Variants in PGM3 observed in about 807,000 individuals in gnomAD.
The protein encoded by PGM3 is phosphoglucomutase 3.
A neutral mutation model predicts 66.2 loss-of-function variants in PGM3; 40 were observed. The ratio of observed to expected loss-of-function variants is 0.60; its 90% CI spans 0.47 to 0.79. The LOEUF is 0.79. Among genes scored for constraint, PGM3 ranks in the 30% least tolerant of loss-of-function variants. The probability of loss-of-function intolerance (pLI) is 0.00; values close to 1 mark genes in which losing one functional copy is unlikely to be tolerated. For missense variants in PGM3, 537 were observed against 643.4 expected (o/e 0.83, Z 1.79); for synonymous variants, 191 against 224.2 (o/e 0.85, Z 1.32).
the PGM3 span, chr6:83,154,280 A>G: frequency 7.7e-6 from 12 of 1,566,018 alleles, no homozygotes; most frequent in Non-Finnish European, 9.7e-6. Context: ...TCTTTCCTGT[A>G]CATGGTTCCT....
chr6:83,151,693 T>G, the PGM3 span: 1 of 1,565,668 alleles, frequency 6.4e-7, no homozygotes, highest in East Asian at 2.2e-5. Context: ...CCAAAACTGT[T>G]TCTCAGTGCC....
At chr6:83,157,613 C>T (rs927093), downstream of PGM3, among the ~76,000 whole-genome samples, 82 of 152,286 alleles carry the variant, frequency 5.4e-4, no homozygotes, top group Non-Finnish European at 1.1e-3. Flanking sequence ...CTGTCATGGC[C>T]TACAGTCCTG....
At position 83,168,235 on chromosome 6, in the gene PGM3, G is replaced by C; in HGVS notation, c.*999C>G. On this transcript the variant is annotated 3_prime_UTR_variant, in exon 13 of 13. Coordinates refer to ENST00000513973, the MANE Select transcript of PGM3 (RefSeq NM_015599.3). ...ATTTAAAACACACACACTGCTCTGC[G>C]TTGTATAGTTTTTCCTTTTTTGTAT... 1 of 1,500,120 alleles carries C rather than the reference G, an allele frequency of 6.7e-7. No individual in the cohort carries two copies. Among genetic ancestry groups the C allele is most frequent in the Non-Finnish European group, 8.8e-7 (1 of 1,132,838 alleles). The allele number at this position is 1,500,120 out of a possible 1,614,324, so 92.9% of individuals were successfully genotyped here. A position where few individuals can be genotyped will look rare whatever the true frequency, so the allele number is the denominator to read the frequency against.
rs56225336 is a variant in PGM3 at position 83,166,504 on chromosome 6, G to C, written c.*2730C>G. On this transcript the variant is annotated 3_prime_UTR_variant, in exon 13 of 13. Coordinates refer to ENST00000513973, the MANE Select transcript of PGM3 (RefSeq NM_015599.3). ...CAGAAAATCGCTAAATTTGATTTTT[G>C]TCTAACATCATTTCCATAGTCTAAA... 4,537 of 693,518 alleles carry C rather than the reference G, an allele frequency of 6.5e-3. 155 individuals are homozygous for C. The African/African-American group carries it at 0.069, about 11-fold the overall frequency. The allele number at this position is 693,518 out of a possible 1,614,324, so 43.0% of individuals were successfully genotyped here.
At chr6:83,191,063 G>T (rs756700318) in intron 1 of PGM3, 49 bp from the exon 2 acceptor site, 1 of 1,568,074 alleles carries the variant, frequency 6.4e-7, no homozygotes, top group East Asian at 2.2e-5. Context: ...AATTTCTTAA[G>T]AACCATTTGC....
At chr6:83,162,736 T>G, downstream of PGM3, 1 of 1,547,282 alleles carries the variant, frequency 6.5e-7, no homozygotes, top group Non-Finnish European at 8.7e-7. Flanking sequence ...TGGCCTAATC[T>G]TAGATGGCAC....
At chr6:83,159,703 T>A, downstream of PGM3, 1 of 1,378,560 alleles carries the variant, frequency 7.3e-7, no homozygotes, top group Non-Finnish European at 1.0e-6. Context: ...TCAGGATGAT[T>A]ATGAAAAATA....
Position 83,168,363 on chromosome 6 carries a change from T to C in PGM3, c.*871A>G, listed in dbSNP as rs986619631. On this transcript the variant is annotated 3_prime_UTR_variant, in exon 13 of 13. Coordinates refer to ENST00000513973, the MANE Select transcript of PGM3 (RefSeq NM_015599.3). ...AAGTTTAAATATTGTTGGCTCATAC[T>C]GATTATGGTGCCTAAGAGAGCTATA... 1.9e-5 allele frequency: 26 copies of C among 1,390,016 alleles called. No individual in the cohort carries two copies. Among genetic ancestry groups the C allele is most frequent in the Non-Finnish European group, 1.9e-6 (2 of 1,075,900 alleles). The allele number at this position is 1,390,016 out of a possible 1,614,324, so 86.1% of individuals were successfully genotyped here.
intron 7 of PGM3, among the ~76,000 whole-genome samples, chr6:83,178,966 C>T (rs1787972913): frequency 6.6e-6 from 1 of 152,168 alleles, no homozygotes; most frequent in African/African-American, 2.4e-5. Flanking sequence ...TATGAGAATT[C>T]CTCTTTTAAG....
chr6:83,168,673 A>G lies in PGM3; in HGVS notation c.*561T>C. On this transcript the variant is annotated 3_prime_UTR_variant, in exon 13 of 13. Coordinates refer to ENST00000513973, the MANE Select transcript of PGM3 (RefSeq NM_015599.3). ...GACCATGCATCCTTAAAAGTATTGC[A>G]TGAGCATCTCCACCTCAGTATGGAA... 1 of 995,128 alleles carries G rather than the reference A, an allele frequency of 1.0e-6. No individual in the cohort carries two copies. Among genetic ancestry groups the G allele is most frequent in the African/African-American group, 1.7e-5 (1 of 57,418 alleles). The allele number at this position is 995,128 out of a possible 1,614,324, so 61.6% of individuals were successfully genotyped here. A position where few individuals can be genotyped will look rare whatever the true frequency, so the allele number is the denominator to read the frequency against.
downstream of PGM3, chr6:83,162,778 T>A (rs964827210): frequency 6.2e-7 from 1 of 1,603,228 alleles, no homozygotes; most frequent in Non-Finnish European, 8.5e-7. Context: ...GATGTCATTA[T>A]TCTATACATA....
chr6:83,158,587 G>A (rs747752962), downstream of PGM3: 4 of 1,607,502 alleles, frequency 2.5e-6, 1 homozygote, highest in South Asian at 4.5e-5. Context: ...TTTTACTGAT[G>A]GAGCAGGAAC....
At chr6:83,174,610 G>A (rs1787612423) in intron 9 of PGM3, 123 bp from the exon 10 acceptor site, 2 of 540,862 alleles carry the variant, frequency 3.7e-6, no homozygotes, top group South Asian at 2.8e-5. Context: ...GGGAAAAATA[G>A]TGGCAGCCTT....
At position 83,166,919 on chromosome 6, in the gene PGM3, C is replaced by G; in HGVS notation, c.*2315G>C. The G allele has an allele frequency of 2.0e-6, 2 of 988,228 alleles. No homozygotes were observed. The highest frequency in any genetic ancestry group is 2.4e-6 in the Non-Finnish European group (2 of 831,910). The allele number at this position is 988,228 out of a possible 1,614,324, so 61.2% of individuals were successfully genotyped here. A position where few individuals can be genotyped will look rare whatever the true frequency, so the allele number is the denominator to read the frequency against. On this transcript the variant is annotated 3_prime_UTR_variant, in exon 13 of 13. Coordinates refer to ENST00000513973, the MANE Select transcript of PGM3 (RefSeq NM_015599.3). The stretch of plus-strand genomic sequence containing the variant: ...AGTCTTCATGATTTCTTCCTTCTGT[C>G]TAGTTCATTGCTTATTTTCATTCTT...
At chr6:83,170,050 T>C (rs1021451933) in intron 12 of PGM3, among the ~76,000 whole-genome samples, 2 of 152,224 alleles carry the variant, frequency 1.3e-5, no homozygotes, top group African/African-American at 2.4e-5. Context: ...ATTCCTGCCA[T>C]GGTTAAAAAT....
downstream of PGM3, chr6:83,158,517 A>G (rs565709277): frequency 6.7e-4 from 897 of 1,334,962 alleles, 1 homozygote; most frequent in South Asian, 1.1e-3. Flanking sequence ...ATAACTTGAA[A>G]GGATTAAATA....
chr6:83,158,501 TTAAAGA>T, downstream of PGM3: 1 of 1,235,130 alleles, frequency 8.1e-7, no homozygotes, highest in Non-Finnish European at 1.2e-6. Flanking sequence ...AAAATACAAC[TTAAAGA>T]TAACTTGAAA....
At chr6:83,149,947 T>C in the PGM3 span, among the ~76,000 whole-genome samples, 1 of 152,198 alleles carries the variant, frequency 6.6e-6, no homozygotes, top group African/African-American at 2.4e-5. Context: ...TGGACAGGCA[T>C]CCTAATTGTC....
downstream of PGM3, chr6:83,160,071 T>C (rs1251566715): frequency 4.9e-6 from 5 of 1,017,902 alleles, no homozygotes; most frequent in East Asian, 1.2e-4. Context: ...ATATTCCTAA[T>C]TTTTACTAAA....
Sources: gnomAD v4.1 joint callset for allele counts (sites outside exome capture counted in the v4.1 genomes callset) on GRCh38, gnomAD v4.1.1 for gene constraint, MANE v1.5 for transcripts, NCBI Gene and HGNC (gene_info 2026-07-23, HGNC 2026-07-21) for gene names.